The following PRR16 variants were observed in gnomAD, a reference collection of about 807,000 sequenced individuals.
PRR16 encodes the protein proline rich 16.
A neutral mutation model predicts 18.2 loss-of-function variants in PRR16; 6 were observed. The observed-to-expected ratio is 0.33, with a 90% confidence interval of 0.18 to 0.65. The LOEUF (loss-of-function observed/expected upper bound fraction) is 0.65. Ranked by LOEUF, PRR16 falls within the 30% of genes least tolerant of loss-of-function variation. The pLI is 0.74. For synonymous variants in PRR16, 151 were observed against 147.8 expected, an observed-to-expected ratio of 1.02 and a Z score of -0.16; for missense variants, 412 against 376.6, an observed-to-expected ratio of 1.09 and a Z score of -0.78.
chr5:120,578,325 T>C (rs1194688359), intron 1 of PRR16, among the ~76,000 whole-genome samples: 1 of 152,216 alleles, frequency 6.6e-6, no homozygotes, highest in African/African-American at 2.4e-5. Context: ...ACGTGGAGGT[T>C]TGTTACATAG....
rs370496437 is a variant in PRR16 at position 120,486,892 on chromosome 5, A to C, written c.159+22247A>C. On this transcript the variant is annotated intron_variant, in intron 1 of 1. Coordinates refer to ENST00000407149, the MANE Select transcript of PRR16 (RefSeq NM_001300783.2). ...CTAGCCAGTTTTCCCAGCACCATTT[A>C]TTAAATAGGGAATCCTTTCCCCATT... 2.4e-4 allele frequency among the ~76,000 whole-genome samples: 36 copies of C among 152,336 alleles called. No homozygotes were observed. In the East Asian group the frequency reaches 6.0e-3, roughly 25 times the overall value.
chr5:120,764,672 G>A, the PRR16 span, among the ~76,000 whole-genome samples: 3 of 146,848 alleles, frequency 2.0e-5, no homozygotes, highest in African/African-American at 8.0e-5. Context: ...GTTGACAACT[G>A]AAGAATGCAA....
the PRR16 span, among the ~76,000 whole-genome samples, chr5:120,738,724 C>T: frequency 6.6e-6 from 1 of 152,132 alleles, no homozygotes; most frequent in Admixed American, 6.6e-5. Context: ...TGTGTACCGA[C>T]TTGATTGGAC....
intron 1 of PRR16, among the ~76,000 whole-genome samples, chr5:120,620,694 A>G (rs1754659343): frequency 6.6e-6 from 1 of 151,876 alleles, no homozygotes. Flanking sequence ...TTGCTTCCTC[A>G]GCTGCTAAAT....
chr5:120,518,359 A>G (rs1418639296), intron 1 of PRR16, among the ~76,000 whole-genome samples: 1 of 152,090 alleles, frequency 6.6e-6, no homozygotes, highest in Admixed American at 6.6e-5. Flanking sequence ...ACTCTGTAGG[A>G]GACAAATTAT....
intron 1 of PRR16, among the ~76,000 whole-genome samples, chr5:120,598,691 T>C (rs1753890723): frequency 6.6e-6 from 1 of 152,012 alleles, no homozygotes; most frequent in Non-Finnish European, 1.5e-5. Context: ...GTATTTGGTT[T>C]TCCGTTTGTG....
At chr5:120,728,979 C>A in the PRR16 span, among the ~76,000 whole-genome samples, 2 of 152,126 alleles carry the variant, frequency 1.3e-5, no homozygotes, top group Non-Finnish European at 2.9e-5. Context: ...CCCCTACCTT[C>A]CCTAAGCCAT....
At chr5:120,521,820 C>G (rs1479105100) in intron 1 of PRR16, among the ~76,000 whole-genome samples, 1 of 152,134 alleles carries the variant, frequency 6.6e-6, no homozygotes, top group Non-Finnish European at 1.5e-5. Context: ...ATCCCTCCCC[C>G]TTTCCCTTAC....
chr5:120,487,585 A>G (rs1461094506), intron 1 of PRR16, among the ~76,000 whole-genome samples: 5 of 152,134 alleles, frequency 3.3e-5, no homozygotes, highest in East Asian at 3.9e-4. Context: ...CAATCATGTC[A>G]TCTGCAAACA....
intron 1 of PRR16, among the ~76,000 whole-genome samples, chr5:120,617,964 T>C (rs1174634920): frequency 6.6e-6 from 1 of 152,142 alleles, no homozygotes; most frequent in East Asian, 1.9e-4. Flanking sequence ...TTCTTTGGTC[T>C]CAGTATTTTT....
the PRR16 span, among the ~76,000 whole-genome samples, chr5:120,708,588 G>A: frequency 1.3e-5 from 2 of 152,158 alleles, no homozygotes; most frequent in Non-Finnish European, 2.9e-5. Context: ...AAATAAAAGG[G>A]AAAGTGTAAA....
chr5:120,770,948 TCTCA>T, the PRR16 span, among the ~76,000 whole-genome samples: 496 of 149,454 alleles, frequency 3.3e-3, 1 homozygote, highest in African/African-American at 0.011. Flanking sequence ...TCTCTCTCTC[TCTCA>T]CACACACACA....
chr5:120,749,359 G>T, the PRR16 span, among the ~76,000 whole-genome samples: 8 of 152,038 alleles, frequency 5.3e-5, no homozygotes, highest in Non-Finnish European at 1.2e-4. Context: ...TTAGGAGTTT[G>T]AATAATTATG....
At chr5:120,681,804 G>C (rs562658894) in intron 1 of PRR16, among the ~76,000 whole-genome samples, 1 of 152,178 alleles carries the variant, frequency 6.6e-6, no homozygotes, top group Non-Finnish European at 1.5e-5. Flanking sequence ...CTTGTGGGAA[G>C]ATCTGTCAGC....
the PRR16 span, among the ~76,000 whole-genome samples, chr5:120,724,356 AT>A: frequency 6.6e-6 from 1 of 152,110 alleles, no homozygotes; most frequent in African/African-American, 2.4e-5. Flanking sequence ...ATAATGATTA[AT>A]AAGTTGCTTC....
chr5:120,510,724 A>G (rs540445296), intron 1 of PRR16, among the ~76,000 whole-genome samples: 5 of 152,264 alleles, frequency 3.3e-5, no homozygotes, highest in South Asian at 2.1e-4. Context: ...TATCTACAGG[A>G]TTTATGCTTA....
At chr5:120,727,341 C>A in the PRR16 span, among the ~76,000 whole-genome samples, 1 of 151,988 alleles carries the variant, frequency 6.6e-6, no homozygotes, top group African/African-American at 2.4e-5. Context: ...TTGGTGTCTT[C>A]CGAAGAATCT....
At chr5:120,594,843 A>G (rs1753750014) in intron 1 of PRR16, among the ~76,000 whole-genome samples, 1 of 151,884 alleles carries the variant, frequency 6.6e-6, no homozygotes, top group South Asian at 2.1e-4. Context: ...GCTGACAAAA[A>G]CAAGCAATGG....
At chr5:120,708,631 C>G in the PRR16 span, among the ~76,000 whole-genome samples, 1 of 152,084 alleles carries the variant, frequency 6.6e-6, no homozygotes, top group African/African-American at 2.4e-5. Flanking sequence ...AGTAAGTGTA[C>G]AAAGCGATTA....
Sources: gnomAD v4.1 joint callset for allele counts (sites outside exome capture counted in the v4.1 genomes callset) on GRCh38, gnomAD v4.1.1 for gene constraint, MANE v1.5 for transcripts, NCBI Gene and HGNC (gene_info 2026-07-23, HGNC 2026-07-21) for gene names.